Variants in NOX4 observed in about 807,000 individuals in gnomAD.
NOX4 encodes kidney oxidase-1.
NOX4 carries 69 observed loss-of-function variants against 87.6 expected under a neutral mutation model. The ratio of observed to expected loss-of-function variants is 0.79; its 90% CI spans 0.65 to 0.96. NOX4 has a LOEUF of 0.96. Among genes scored for constraint, NOX4 ranks in the 40% least tolerant of loss-of-function variants. NOX4 has a pLI of 0.00. For missense variants in NOX4, 680 were observed against 681.5 expected, an observed-to-expected ratio of 1.00 and a Z score of 0.02; for synonymous variants, 275 against 238.2, an observed-to-expected ratio of 1.15 and a Z score of -1.42.
chr11:89,579,069 T>G, the NOX4 span, among the ~76,000 whole-genome samples: 2 of 152,176 alleles, frequency 1.3e-5, no homozygotes, highest in Non-Finnish European at 2.9e-5. Context: ...CTGCATACCA[T>G]ATGATTACAA....
At chr11:89,333,023 A>G (rs1181046448) in intron 17 of NOX4, among the ~76,000 whole-genome samples, 1 of 151,892 alleles carries the variant, frequency 6.6e-6, no homozygotes, top group Non-Finnish European at 1.5e-5. Flanking sequence ...ATACCTGTTG[A>G]GCCAGCAATT....
intron 12 of NOX4, among the ~76,000 whole-genome samples, chr11:89,355,400 A>G (rs1028594967): frequency 6.7e-6 from 1 of 149,194 alleles, no homozygotes; most frequent in African/African-American, 2.4e-5. Flanking sequence ...ATAAATATAC[A>G]TAATATATAC....
At chr11:89,528,159 G>A in the NOX4 span, among the ~76,000 whole-genome samples, 1 of 152,184 alleles carries the variant, frequency 6.6e-6, no homozygotes, top group South Asian at 2.1e-4. Context: ...GGGGCCTGTA[G>A]CCACTTCGTT....
At chr11:89,573,216 T>A in the NOX4 span, among the ~76,000 whole-genome samples, 2 of 152,220 alleles carry the variant, frequency 1.3e-5, no homozygotes, top group African/African-American at 2.4e-5. Context: ...TATTTTATCA[T>A]TTATTTTGCT....
rs566431413 is a variant in NOX4, at chr11:89,366,390, C to A, written c.1135+7042G>T. On this transcript the variant is annotated intron_variant, in intron 12 of 17. Coordinates refer to ENST00000263317, the MANE Select transcript of NOX4 (RefSeq NM_016931.5). ...GTTTATTTTCAAAACTAAAAAGTAA[C>A]ATTTTGGCCAGGCACAGTAGATCAC... Among the ~76,000 whole-genome samples, 3 of 152,076 alleles carry A rather than the reference C, an allele frequency of 2.0e-5. No homozygotes were observed. In the South Asian group the frequency reaches 6.2e-4, roughly 32 times the overall value.
chr11:89,483,226 C>T (rs933794681), intron 2 of NOX4, among the ~76,000 whole-genome samples: 20 of 152,160 alleles, frequency 1.3e-4, no homozygotes, highest in South Asian at 1.0e-3. Flanking sequence ...GTAACAGTTG[C>T]TATTAGGTTG....
At chr11:89,584,930 G>A in the NOX4 span, among the ~76,000 whole-genome samples, 1 of 152,058 alleles carries the variant, frequency 6.6e-6, no homozygotes, top group Non-Finnish European at 1.5e-5. Context: ...TTGTGGTCTA[G>A]CAATCCTTGG....
At chr11:89,500,511 G>A (rs950938232), upstream of NOX4, among the ~76,000 whole-genome samples, 6 of 152,114 alleles carry the variant, frequency 3.9e-5, no homozygotes, top group African/African-American at 1.4e-4. Context: ...GATTATAGCT[G>A]TGAACTAGTC....
At position 89,326,257 on chromosome 11, in the gene NOX4, G is replaced by C. The variant is rs1166515654; in HGVS notation, c.*499C>G. 6.6e-6 allele frequency: 1 copy of C among 152,480 alleles called. No homozygotes were observed. Among genetic ancestry groups the C allele is most frequent in the African/African-American group, 2.4e-5 (1 of 41,424 alleles). The allele number at this position is 152,480 out of a possible 1,614,324, so 9.4% of individuals were successfully genotyped here. On this transcript the variant is annotated 3_prime_UTR_variant, in exon 18 of 18. Coordinates refer to ENST00000263317, the MANE Select transcript of NOX4 (RefSeq NM_016931.5). ...AGTACCCGTATCAATACAGAGTCTT[G>C]TGCTGTGTTTTCAAACATCTAATAT...
At chr11:89,574,625 C>A in the NOX4 span, among the ~76,000 whole-genome samples, 2 of 152,218 alleles carry the variant, frequency 1.3e-5, no homozygotes, top group African/African-American at 4.8e-5. Flanking sequence ...TTTCTCTCAA[C>A]TGGACTAGAT....
chr11:89,415,316 C>A (rs930730220), intron 8 of NOX4, among the ~76,000 whole-genome samples: 21 of 151,922 alleles, frequency 1.4e-4, no homozygotes, highest in Non-Finnish European at 1.0e-4. Context: ...TTGTCAAGTT[C>A]TTTTTCCAGT....
chr11:89,538,180 T>C, the NOX4 span, among the ~76,000 whole-genome samples: 1 of 152,242 alleles, frequency 6.6e-6, no homozygotes, highest in African/African-American at 2.4e-5. Context: ...TCCATTCATC[T>C]ATGTGCCAAA....
chr11:89,340,938 T>A (rs1225797157), intron 14 of NOX4, among the ~76,000 whole-genome samples: 1 of 152,004 alleles, frequency 6.6e-6, no homozygotes, highest in Non-Finnish European at 1.5e-5. Context: ...TTCAAACACA[T>A]CACTTAAATT....
chr11:89,337,621 A>C, intron 15 of NOX4, 106 bp from the exon 16 acceptor site: 6 of 1,451,970 alleles, frequency 4.1e-6, no homozygotes, highest in Non-Finnish European at 5.7e-6. Context: ...AACCTAGCTT[A>C]TCATAGTCAA....
At chr11:89,378,736 C>A (rs753176287) in intron 11 of NOX4, among the ~76,000 whole-genome samples, 78 of 152,118 alleles carry the variant, frequency 5.1e-4, no homozygotes, top group Non-Finnish European at 7.9e-4. Flanking sequence ...GGCAGCTCTT[C>A]GAGAATTTAT....
rs905405152 is a variant in NOX4 at position 89,355,040 on chromosome 11, C to T, written c.1139G>A (p.Arg380Gln). 8.2e-6 allele frequency: 13 copies of T among 1,588,822 alleles called. No homozygotes were observed. The African/African-American group carries it at 9.4e-5, about 12-fold the overall frequency. ...HLKIVGDWTE[R>Q]FRDLLLPPSS... ...TGGAGGCAGTAGTAAATCTCGAAAT[C>T]GTTCTGTCAAAAGAAAAATAAACAT... Residue 380 changes from arginine (R) to glutamine (Q), a missense_variant, in exon 13 of 18, where the codon CGA becomes CAA. Transcript: ENST00000263317.
chr11:89,426,125 TTTG>T (rs552084546), intron 7 of NOX4, among the ~76,000 whole-genome samples: 3 of 152,174 alleles, frequency 2.0e-5, no homozygotes, highest in Non-Finnish European at 4.4e-5. Context: ...ATGCAGATAA[TTTG>T]TTATTTTAGC....
chr11:89,425,297 G>A (rs931448296), intron 7 of NOX4, among the ~76,000 whole-genome samples: 1 of 150,624 alleles, frequency 6.6e-6, no homozygotes, highest in African/African-American at 2.4e-5. Flanking sequence ...CTTTAAAAGT[G>A]TTCTTACAAT....
At chr11:89,533,159 T>C in the NOX4 span, among the ~76,000 whole-genome samples, 1 of 152,200 alleles carries the variant, frequency 6.6e-6, no homozygotes, top group East Asian at 1.9e-4. Flanking sequence ...TCTAGCACAG[T>C]GTGTGACATA....
Sources: gnomAD v4.1 joint callset for allele counts (sites outside exome capture counted in the v4.1 genomes callset) on GRCh38, gnomAD v4.1.1 for gene constraint, MANE v1.5 for transcripts, NCBI Gene and HGNC (gene_info 2026-07-23, HGNC 2026-07-21) for gene names.